HIF1AN: variants seen among roughly 807,000 people sequenced by gnomAD.
The protein encoded by HIF1AN is hypoxia-inducible factor 1-alpha inhibitor.
HIF1AN carries 21 observed loss-of-function variants against 47.7 expected under a neutral mutation model. The ratio of observed to expected loss-of-function variants is 0.44; its 90% CI spans 0.31 to 0.63. The LOEUF (loss-of-function observed/expected upper bound fraction) is 0.63, where lower values mean the gene tolerates loss of function less well. HIF1AN is among the 30% of genes least tolerant of loss of function. The pLI, the probability that HIF1AN is intolerant of heterozygous loss-of-function variation, is 0.07. For missense variants in HIF1AN, 320 were observed against 432.7 expected, an observed-to-expected ratio of 0.74 and a Z score of 2.31; for synonymous variants, 152 against 155.9, an observed-to-expected ratio of 0.98 and a Z score of 0.18.
intron 3 of HIF1AN, among the ~76,000 whole-genome samples, chr10:100,544,241 A>G (rs1210028026): frequency 1.3e-5 from 2 of 152,264 alleles, no homozygotes; most frequent in Admixed American, 6.5e-5. Context: ...CTTTCCTCCA[A>G]TGAAAATCAC....
chr10:100,536,796 A>C (rs1852228966), intron 2 of HIF1AN, 135 bp downstream of exon 2: 1 of 975,484 alleles, frequency 1.0e-6, no homozygotes, highest in African/African-American at 1.6e-5. Flanking sequence ...TTGAAGGAGT[A>C]GTCTGGTCTT....
Position 100,549,579 on chromosome 10 carries a change from G to C in HIF1AN, c.*1442G>C, listed in dbSNP as rs1843134594. The C allele has an allele frequency of 6.6e-6, 1 of 152,244 alleles. No homozygotes were observed. The highest frequency in any genetic ancestry group is 2.4e-5 in the African/African-American group (1 of 41,452). The allele number at this position is 152,244 out of a possible 1,614,324, so 9.4% of individuals were successfully genotyped here. A position where few individuals can be genotyped will look rare whatever the true frequency, so the allele number is the denominator to read the frequency against. ...ACCCCTCTCAGGGCTGCAGCTTACA[G>C]GTGGGCAGCTGTGATTGCACAACTT... On this transcript the variant is annotated 3_prime_UTR_variant, in exon 8 of 8. Coordinates refer to ENST00000299163, the MANE Select transcript of HIF1AN (RefSeq NM_017902.3).
Position 100,551,683 on chromosome 10 carries a change from C to T in HIF1AN, c.*3546C>T, listed in dbSNP as rs1589755626. On this transcript the variant is annotated 3_prime_UTR_variant, in exon 8 of 8. Transcript: ENST00000299163. ...TGGAAAATGTTTTTGTAATAGTCAA[C>T]ACCCCTCATAGCCCACCTGTGACAA... 6.6e-6 allele frequency: 1 copy of T among 152,356 alleles called. No individual in the cohort carries two copies. Among genetic ancestry groups the T allele is most frequent in the African/African-American group, 2.4e-5 (1 of 41,584 alleles). 9.4% of individuals were successfully genotyped at this position (152,356 alleles called of 1,614,324 possible).
chr10:100,544,147 C>G (rs1843072605), intron 3 of HIF1AN, among the ~76,000 whole-genome samples: 1 of 152,246 alleles, frequency 6.6e-6, no homozygotes, highest in Non-Finnish European at 1.5e-5. Context: ...GGAACATACA[C>G]TAGGGCACAA....
At chr10:100,538,986 A>G (rs556887861) in intron 2 of HIF1AN, among the ~76,000 whole-genome samples, 30 of 149,234 alleles carry the variant, frequency 2.0e-4, no homozygotes, top group Admixed American at 1.3e-3. Context: ...GCTTACTGCA[A>G]CCTTCACCTC....
rs1054872192 is a variant in HIF1AN, at chr10:100,556,815, A to G, written c.*8678A>G. 6.6e-6 allele frequency: 1 copy of G among 152,188 alleles called. No individual in the cohort carries two copies. Among genetic ancestry groups the G allele is most frequent in the Non-Finnish European group, 1.5e-5 (1 of 68,038 alleles). 9.4% of individuals were successfully genotyped at this position (152,188 alleles called of 1,614,324 possible). A position where few individuals can be genotyped will look rare whatever the true frequency, so the allele number is the denominator to read the frequency against. ...TAGGAAATAGCACATAACTTGTAGC[A>G]TTGTTATAAGGGCTCGTGATAATGT... is the stretch of plus-strand genomic sequence containing the variant. On this transcript the variant is annotated 3_prime_UTR_variant, in exon 8 of 8. Coordinates refer to ENST00000299163, the MANE Select transcript of HIF1AN (RefSeq NM_017902.3).
At chr10:100,536,319 G>A in intron 1 of HIF1AN, 92 bp from the exon 2 acceptor site, 4 of 1,467,824 alleles carry the variant, frequency 2.7e-6, no homozygotes, top group Non-Finnish European at 3.7e-6. Flanking sequence ...AAATTATTCT[G>A]AAGTTGAGAA....
rs370894479 is a variant in HIF1AN at position 100,536,050 on chromosome 10, A to C, written c.92A>C (p.Gln31Pro). 2 of 1,611,176 alleles carry C rather than the reference A, an allele frequency of 1.2e-6. No homozygotes were observed. The highest frequency in any genetic ancestry group is 1.7e-6 in the Non-Finnish European group (2 of 1,179,092). ...GALGPAWDES[Q>P]LRSYSFPTRP... is the part of the protein sequence containing the mutation. Reference sequence around the variant, plus strand: ...CTCGGCCCCGCCTGGGATGAATCCCAGTTGCGCAGTTATAGCTTCCCGACT... The same window carrying C: ...CTCGGCCCCGCCTGGGATGAATCCCCGTTGCGCAGTTATAGCTTCCCGACT... Residue 31 changes from glutamine (Q) to proline (P), a missense_variant, in exon 1 of 8, where the codon CAG becomes CCG. By Grantham distance (76) the Gln-to-Pro change is moderately conservative (BLOSUM62 -1). Around this residue, in one of 2 missense-constraint regions of HIF1AN, gnomAD observed 159 missense variants for 159.9 expected, o/e 0.99. Transcript: ENST00000299163.
In HIF1AN at chr10:100,556,652, C is replaced by T. The variant is rs765338884; in HGVS notation, c.*8515C>T. The T allele has an allele frequency of 2.0e-5, 3 of 152,236 alleles. No homozygotes were observed. 9.4% of individuals were successfully genotyped at this position (152,236 alleles called of 1,614,324 possible). On this transcript the variant is annotated 3_prime_UTR_variant, in exon 8 of 8. Coordinates refer to ENST00000299163, the MANE Select transcript of HIF1AN (RefSeq NM_017902.3). The stretch of plus-strand genomic sequence containing the variant: ...ACAGTCTGCATGGTCATTGTTCTCA[C>T]AAGGGTTTGTGTGATGCACTGACAA...
chr10:100,548,254 T>A lies in HIF1AN; in HGVS notation c.*117T>A. 1.1e-6 allele frequency: 1 copy of A among 873,282 alleles called. No individual in the cohort carries two copies. Among genetic ancestry groups the A allele is most frequent in the Non-Finnish European group, 1.7e-6 (1 of 590,980 alleles). 54.1% of individuals were successfully genotyped at this position (873,282 alleles called of 1,614,324 possible). A position where few individuals can be genotyped will look rare whatever the true frequency, so the allele number is the denominator to read the frequency against. ...GCACGCTGCACTTAATGGACTGGAC[T>A]CTTGCCATGGCCCAGGAGTCAGGTG... On this transcript the variant is annotated 3_prime_UTR_variant, in exon 8 of 8. Coordinates refer to ENST00000299163, the MANE Select transcript of HIF1AN (RefSeq NM_017902.3).
rs1386714921 is a variant in HIF1AN at position 100,551,591 on chromosome 10, A to G, written c.*3454A>G. On this transcript the variant is annotated 3_prime_UTR_variant, in exon 8 of 8. Coordinates refer to ENST00000299163, the MANE Select transcript of HIF1AN (RefSeq NM_017902.3). ...GAGCCAACAAAGATAGAAATAGATGAGTGTCAGGTACAAGCTATAAGGCAA... is the reference window on the plus strand; with the variant it reads ...GAGCCAACAAAGATAGAAATAGATGGGTGTCAGGTACAAGCTATAAGGCAA... 1 of 152,262 alleles carries G rather than the reference A, an allele frequency of 6.6e-6. No homozygotes were observed. The highest frequency in any genetic ancestry group is 1.5e-5 in the Non-Finnish European group (1 of 68,046). The allele number at this position is 152,262 out of a possible 1,614,324, so 9.4% of individuals were successfully genotyped here.
intron 3 of HIF1AN, among the ~76,000 whole-genome samples, chr10:100,542,609 C>A (rs372418959): frequency 6.6e-6 from 1 of 152,092 alleles, no homozygotes; most frequent in African/African-American, 2.4e-5. Context: ...CCTGCCCCGG[C>A]CTCCCAAAGT....
intron 2 of HIF1AN, among the ~76,000 whole-genome samples, chr10:100,540,161 C>CT (rs71976123): frequency 4.0e-4 from 57 of 143,510 alleles, no homozygotes; most frequent in South Asian, 6.7e-4. Context: ...TCTCCAGGTT[C>CT]TTTTTTTTTT....
intron 4 of HIF1AN, 130 bp from the exon 5 acceptor site, chr10:100,545,813 A>T (rs1348429427): frequency 3.0e-6 from 2 of 657,408 alleles, no homozygotes; most frequent in African/African-American, 3.6e-5. Context: ...TATAAATTCC[A>T]AATACTTTTT....
intron 7 of HIF1AN, among the ~76,000 whole-genome samples, chr10:100,547,875 G>C (rs537557867): frequency 6.6e-6 from 1 of 152,274 alleles, no homozygotes; most frequent in Admixed American, 6.5e-5. Flanking sequence ...TGTTGTGCGA[G>C]AGAAGAATAA....
Position 100,552,054 on chromosome 10 carries a change from CAG to C in HIF1AN, c.*3918_*3919del, listed in dbSNP as rs1402236998. 6.6e-6 allele frequency: 1 copy of C among 152,278 alleles called. No homozygotes were observed. Among genetic ancestry groups the C allele is most frequent in the East Asian group, 1.9e-4 (1 of 5,206 alleles). 9.4% of individuals were successfully genotyped at this position (152,278 alleles called of 1,614,324 possible). ...AGGCCTCTGAGGCCAGATGTGTAAA[CAG>C]TGCTGAGGTTCAGTAATAGGATGAG... On this transcript the variant is annotated 3_prime_UTR_variant, in exon 8 of 8. Transcript: ENST00000299163.
chr10:100,536,486 A>G lies in HIF1AN; in HGVS notation c.253A>G (p.Ile85Val). 6.2e-7 allele frequency: 1 copy of G among 1,614,158 alleles called. No individual in the cohort carries two copies. Among genetic ancestry groups the G allele is most frequent in the Non-Finnish European group, 8.5e-7 (1 of 1,180,022 alleles). ...KWDLEYLQEN[I>V]GNGDFSVYSA... Reference sequence around the variant, plus strand: ...GGACCTTGAATACCTGCAAGAGAATATTGGCAATGGAGACTTCTCTGTGTA... The same window carrying G: ...GGACCTTGAATACCTGCAAGAGAATGTTGGCAATGGAGACTTCTCTGTGTA... Residue 85 changes from isoleucine to valine, a missense_variant, in exon 2 of 8, where the codon ATT (isoleucine) becomes GTT (valine). Coordinates refer to ENST00000299163, the MANE Select transcript of HIF1AN (RefSeq NM_017902.3).
intron 6 of HIF1AN, 81 bp from the exon 7 acceptor site, chr10:100,547,058 AG>A (rs1843100965): frequency 9.8e-7 from 1 of 1,015,276 alleles, no homozygotes; most frequent in Non-Finnish European, 1.5e-6. Context: ...GTTTCTTAGA[AG>A]GGAGGATGGT....
chr10:100,545,165 T>TC (rs1448668571), intron 4 of HIF1AN, 69 bp downstream of exon 4: 2 of 1,528,432 alleles, frequency 1.3e-6, no homozygotes, highest in African/African-American at 2.7e-5. Flanking sequence ...GGAATGTCTT[T>TC]CCCCTTCCCC....
Sources: gnomAD v4.1 joint callset for allele counts (sites outside exome capture counted in the v4.1 genomes callset) on GRCh38, gnomAD v4.1.1 for gene constraint, gnomAD v4.1.1 regional missense constraint, MANE v1.5 for transcripts, NCBI Gene and HGNC (gene_info 2026-07-23, HGNC 2026-07-21) for gene names.